The following PDE1A variants were observed in gnomAD, a reference collection of about 807,000 sequenced individuals.
The protein encoded by PDE1A is phosphodiesterase 1A.
Under a neutral mutation model 61.7 loss-of-function variants are expected in PDE1A, and 35 were observed. The observed-to-expected ratio is 0.57, with a 90% CI of 0.43 to 0.75. The LOEUF (loss-of-function observed/expected upper bound fraction) is 0.75, where lower values mean the gene tolerates loss of function less well. PDE1A is among the 30% of genes least tolerant of loss of function. The pLI, the probability that PDE1A is intolerant of heterozygous loss-of-function variation, is 0.00. For synonymous variants in PDE1A, 232 were observed against 213.2 expected, an observed-to-expected ratio of 1.09 and a Z score of -0.77; for missense variants, 597 against 630.6, an observed-to-expected ratio of 0.95 and a Z score of 0.57.
Position 182,226,359 on chromosome 2 carries a change from C to T in PDE1A, c.676-2395G>A, listed in dbSNP as rs548457083. 1.0e-3 allele frequency among the ~76,000 whole-genome samples: 150 copies of T among 149,748 alleles called. 19 individuals are homozygous for T. The highest frequency in any genetic ancestry group is 3.7e-3 in the African/African-American group (146 of 39,384). On this transcript the variant is annotated intron_variant, in intron 6 of 13. Transcript: ENST00000351439. ...TTTTACTTTGGTTCATTTCTGCCTC[C>T]CATAAATAGTACTTTCTCCACAAAT...
At chr2:182,651,993 A>G in the PDE1A span, among the ~76,000 whole-genome samples, 1,001 of 152,348 alleles carry the variant, frequency 6.6e-3, 14 homozygotes, top group African/African-American at 0.023. Flanking sequence ...AAAATGGGAT[A>G]ATATTGACAG....
At chr2:182,694,195 G>A in the PDE1A span, among the ~76,000 whole-genome samples, 1 of 152,126 alleles carries the variant, frequency 6.6e-6, no homozygotes, top group Non-Finnish European at 1.5e-5. Flanking sequence ...TTTACCATGT[G>A]GATATCCAGG....
intron 8 of PDE1A, among the ~76,000 whole-genome samples, chr2:182,205,203 C>A (rs1395199045): frequency 6.6e-6 from 1 of 151,986 alleles, no homozygotes; most frequent in Non-Finnish European, 1.5e-5. Flanking sequence ...ATAAGAGAGT[C>A]CCATAGAATA....
chr2:182,638,493 G>A, the PDE1A span, among the ~76,000 whole-genome samples: 239 of 152,114 alleles, frequency 1.6e-3, 1 homozygote, highest in Non-Finnish European at 2.8e-3. Context: ...CTGAGATTGC[G>A]CCCCTGCACT....
chr2:182,671,357 T>TA, the PDE1A span, among the ~76,000 whole-genome samples: 1 of 127,020 alleles, frequency 7.9e-6, no homozygotes, highest in Non-Finnish European at 1.7e-5. Flanking sequence ...TTTTTTTTTT[T>TA]TTTTGTATTT....
chr2:182,574,460 T>A, the PDE1A span, among the ~76,000 whole-genome samples: 3 of 152,216 alleles, frequency 2.0e-5, no homozygotes, highest in South Asian at 6.2e-4. Flanking sequence ...AATGTCATAA[T>A]TACACCTCAC....
At chr2:182,658,953 C>G in the PDE1A span, among the ~76,000 whole-genome samples, 1 of 152,060 alleles carries the variant, frequency 6.6e-6, no homozygotes, top group East Asian at 1.9e-4. Flanking sequence ...TCACTGCAAG[C>G]CATCATACTA....
chr2:182,689,827 T>TA, the PDE1A span, among the ~76,000 whole-genome samples: 7 of 151,536 alleles, frequency 4.6e-5, no homozygotes, highest in South Asian at 2.1e-4. Flanking sequence ...ATAGATGCAA[T>TA]AAAAAAATGA....
chr2:182,547,285 T>G, the PDE1A span, among the ~76,000 whole-genome samples: 1 of 152,178 alleles, frequency 6.6e-6, no homozygotes, highest in Non-Finnish European at 1.5e-5. Flanking sequence ...TCTAGCACCC[T>G]TTTGCTGTCC....
At chr2:182,157,901 G>T (rs191762602) in intron 13 of PDE1A, among the ~76,000 whole-genome samples, 1 of 152,296 alleles carries the variant, frequency 6.6e-6, no homozygotes, top group African/African-American at 2.4e-5. Flanking sequence ...GTTGGTAGTA[G>T]CTATGTTGAT....
chr2:182,509,956 C>T (rs1330336854), intron 2 of PDE1A, among the ~76,000 whole-genome samples: 3 of 152,126 alleles, frequency 2.0e-5, no homozygotes, highest in African/African-American at 7.2e-5. Flanking sequence ...AACATCCATA[C>T]TTATGCAGAG....
At chr2:182,196,674 T>C (rs1257383571) in intron 10 of PDE1A, among the ~76,000 whole-genome samples, 1 of 151,864 alleles carries the variant, frequency 6.6e-6, no homozygotes, top group Non-Finnish European at 1.5e-5. Flanking sequence ...TCACCATATA[T>C]TAATTTTGCC....
chr2:182,638,009 A>G, the PDE1A span, among the ~76,000 whole-genome samples: 2 of 152,198 alleles, frequency 1.3e-5, no homozygotes, highest in Non-Finnish European at 2.9e-5. Flanking sequence ...AATAAAAACT[A>G]AATGCAATGT....
intron 1 of PDE1A, among the ~76,000 whole-genome samples, chr2:182,317,021 G>C (rs1329779919): frequency 6.6e-6 from 1 of 152,060 alleles, no homozygotes; most frequent in African/African-American, 2.4e-5. Flanking sequence ...TTGTGTTTTG[G>C]TTTCACCTTG....
chr2:182,311,503 C>T (rs1695970490), intron 1 of PDE1A, among the ~76,000 whole-genome samples: 1 of 152,138 alleles, frequency 6.6e-6, no homozygotes, highest in African/African-American at 2.4e-5. Flanking sequence ...TGCCTTTTCC[C>T]TCAATTCCCT....
At chr2:182,275,519 C>T (rs1693345105) in intron 1 of PDE1A, among the ~76,000 whole-genome samples, 1 of 152,002 alleles carries the variant, frequency 6.6e-6, no homozygotes, top group Non-Finnish European at 1.5e-5. Context: ...TTGAGATTTG[C>T]AAATAAGGCA....
chr2:182,473,620 T>G (rs997019962), intron 2 of PDE1A, among the ~76,000 whole-genome samples: 10 of 151,772 alleles, frequency 6.6e-5, no homozygotes, highest in Admixed American at 5.3e-4. Flanking sequence ...TAGTTATTTT[T>G]CCTGATCCTC....
intron 1 of PDE1A, among the ~76,000 whole-genome samples, chr2:182,413,759 C>T (rs143711793): frequency 0.013 from 1,953 of 152,134 alleles, 27 homozygotes; most frequent in South Asian, 0.047. Flanking sequence ...TTAACATAAA[C>T]GTTATAAAGT....
the PDE1A span, among the ~76,000 whole-genome samples, chr2:182,697,707 T>C: frequency 6.6e-6 from 1 of 152,236 alleles, no homozygotes; most frequent in Non-Finnish European, 1.5e-5. Context: ...CCCCAGCTTC[T>C]CTGCTATAGG....
Sources: allele counts gnomAD v4.1 joint callset (sites outside exome capture counted in the v4.1 genomes callset), GRCh38; gene constraint gnomAD v4.1.1; transcripts MANE v1.5; gene names NCBI Gene and HGNC (gene_info 2026-07-23, HGNC 2026-07-21).